Variants in DISC1 observed in about 807,000 individuals in gnomAD.
The protein encoded by DISC1 is disrupted in schizophrenia 1 protein.
A neutral mutation model predicts 84.5 loss-of-function variants in DISC1; 57 were observed. The observed-to-expected ratio is 0.67, with a 90% CI of 0.55 to 0.84. DISC1 has a LOEUF of 0.84. Among genes scored for constraint, DISC1 ranks in the 40% least tolerant of loss-of-function variants. The pLI is 0.00. For synonymous variants in DISC1, 411 were observed against 415.2 expected, an observed-to-expected ratio of 0.99 and a Z score of 0.12; for missense variants, 1,000 against 1,057.8, an observed-to-expected ratio of 0.95 and a Z score of 0.76.
intron 9 of DISC1, chr1:231,855,264 A>G: frequency 1.0e-6 from 1 of 967,484 alleles, no homozygotes. Context: ...AGAGTGTCTC[A>G]TAAATAACTT....
In DISC1 at chr1:231,818,470, A is replaced by T. The variant is rs763819357; in HGVS notation, c.1934A>T (p.Asp645Val). The change falls in exon 9 of 13, where the codon GAT becomes GTT. Residue 645 changes from aspartate to valine, a missense_variant. Around this residue, in one of 3 missense-constraint regions of DISC1, gnomAD observed 397 missense variants for 377.5 expected, o/e 1.05. Coordinates refer to ENST00000439617, the MANE Select transcript of DISC1 (RefSeq NM_018662.3). ...AAAAAGCTGGGAAGTGTTAAAGAAG[A>T]TTACAACAGACTGAGAAGAGAAGTG... is the stretch of plus-strand genomic sequence containing the variant. ...NVKKLGSVKE[D>V]YNRLRREVEH... 1 of 1,614,152 alleles carries T rather than the reference A, an allele frequency of 6.2e-7. No homozygotes were observed. The highest frequency in any genetic ancestry group is 1.1e-5 in the South Asian group (1 of 91,076).
chr1:231,626,968 TGG>T, intron 1 of DISC1, 34 bp downstream of exon 1: 1 of 1,433,312 alleles, frequency 7.0e-7, no homozygotes, highest in Non-Finnish European at 9.2e-7. Context: ...TAGCACGTCC[TGG>T]GGGGGTCCTG....
chr1:231,629,509 A>G (rs1331033680), intron 1 of DISC1: 4 of 152,692 alleles, frequency 2.6e-5, no homozygotes, highest in Non-Finnish European at 5.9e-5. Flanking sequence ...AGTTTATCTT[A>G]TTGGTTTTTG....
intron 8 of DISC1, among the ~76,000 whole-genome samples, chr1:231,807,987 T>G (rs2079887011): frequency 6.6e-6 from 1 of 152,236 alleles, no homozygotes; most frequent in Non-Finnish European, 1.5e-5. Flanking sequence ...GTTGGCCATC[T>G]TTTTCTTTTT....
chr1:231,644,927 A>G (rs1055142878), intron 1 of DISC1, among the ~76,000 whole-genome samples: 4 of 151,794 alleles, frequency 2.6e-5, no homozygotes, highest in Admixed American at 2.6e-4. Context: ...CTGTGACTGA[A>G]TTCTTCCTTT....
rs542789195 is a variant in DISC1 at position 231,733,184 on chromosome 1, C to T, written c.1118-16742C>T. Among the ~76,000 whole-genome samples, 21 of 57,064 alleles carry T rather than the reference C, an allele frequency of 3.7e-4. No individual in the cohort carries two copies. In the South Asian group the frequency reaches 6.1e-3, roughly 17 times the overall value. 37.4% of individuals were successfully genotyped at this position (57,064 alleles called of 152,430 possible). A position where few individuals can be genotyped will look rare whatever the true frequency, so the allele number is the denominator to read the frequency against. On this transcript the variant is annotated intron_variant, in intron 3 of 12. Coordinates refer to ENST00000439617, the MANE Select transcript of DISC1 (RefSeq NM_018662.3). ...ATGGTAGGAGTGGTGGTGATGTTTA[C>T]TTGGCAAATTCTTGCTCAGGAAGAG... is the stretch of plus-strand genomic sequence containing the variant.
chr1:231,810,287 G>C (rs1315677550), intron 8 of DISC1, among the ~76,000 whole-genome samples: 1 of 152,172 alleles, frequency 6.6e-6, no homozygotes, highest in Non-Finnish European at 1.5e-5. Flanking sequence ...AAACAGTGAC[G>C]ATGGTCCAGG....
intron 1 of DISC1, among the ~76,000 whole-genome samples, chr1:231,683,343 C>T (rs866182624): frequency 9.9e-5 from 15 of 151,988 alleles, no homozygotes; most frequent in Non-Finnish European, 1.5e-4. Context: ...GCACCAATAC[C>T]GGAGGCCCAT....
At chr1:231,942,967 C>T (rs965683381) in intron 9 of DISC1, among the ~76,000 whole-genome samples, 6 of 152,204 alleles carry the variant, frequency 3.9e-5, no homozygotes, top group African/African-American at 7.2e-5. Flanking sequence ...ATGTCATGCT[C>T]GTAGCTAAGA....
At chr1:231,935,172 G>A (rs1056418898) in intron 9 of DISC1, among the ~76,000 whole-genome samples, 22 of 152,214 alleles carry the variant, frequency 1.4e-4, no homozygotes, top group African/African-American at 5.1e-4. Flanking sequence ...GTGGCATGTC[G>A]TGAGTGTTTA....
intron 1 of DISC1, among the ~76,000 whole-genome samples, chr1:231,645,097 A>G (rs1558232935): frequency 1.3e-5 from 2 of 152,130 alleles, no homozygotes; most frequent in Non-Finnish European, 2.9e-5. Flanking sequence ...CTCTATTTTT[A>G]TGATAACTAT....
intron 9 of DISC1, among the ~76,000 whole-genome samples, chr1:231,842,074 A>G (rs753286540): frequency 1.3e-5 from 2 of 151,962 alleles, no homozygotes; most frequent in Non-Finnish European, 2.9e-5. Context: ...ACCATGACTC[A>G]CTGCATCCTC....
chr1:231,741,499 C>T (rs1183649118), intron 3 of DISC1, among the ~76,000 whole-genome samples: 1 of 152,220 alleles, frequency 6.6e-6, no homozygotes, highest in Non-Finnish European at 1.5e-5. Flanking sequence ...CAGGCAGCAT[C>T]CCAGGTGCAG....
At chr1:231,681,362 AGAGT>A (rs1016192475) in intron 1 of DISC1, among the ~76,000 whole-genome samples, 1 of 152,074 alleles carries the variant, frequency 6.6e-6, no homozygotes, top group Admixed American at 6.5e-5. Flanking sequence ...GAACATAGAT[AGAGT>A]GTCTATGTGA....
chr1:231,955,813 G>A (rs1659399905), intron 9 of DISC1, among the ~76,000 whole-genome samples: 1 of 151,912 alleles, frequency 6.6e-6, no homozygotes, highest in South Asian at 2.1e-4. Flanking sequence ...CTTACACCTG[G>A]CATTTGACCC....
chr1:232,026,762 C>CTTTCTTT (rs1669507073), intron 12 of DISC1, among the ~76,000 whole-genome samples: 2 of 110,876 alleles, frequency 1.8e-5, no homozygotes, highest in Non-Finnish European at 3.6e-5. Context: ...TTTCTTTTTT[C>CTTTCTTT]TTTTTTTTTT....
intron 10 of DISC1, among the ~76,000 whole-genome samples, chr1:231,996,165 T>C (rs557099001): frequency 2.0e-5 from 3 of 152,344 alleles, no homozygotes; most frequent in African/African-American, 7.2e-5. Flanking sequence ...GTTCATATCC[T>C]TCGTCCACTT....
chr1:231,705,534 A>G (rs1573043169), intron 3 of DISC1, among the ~76,000 whole-genome samples: 1 of 151,912 alleles, frequency 6.6e-6, no homozygotes, highest in Non-Finnish European at 1.5e-5. Flanking sequence ...TCCCAAAGTT[A>G]GGCTTGAAAG....
At chr1:231,848,865 G>T (rs1223073887) in intron 9 of DISC1, among the ~76,000 whole-genome samples, 3 of 152,160 alleles carry the variant, frequency 2.0e-5, no homozygotes, top group Non-Finnish European at 4.4e-5. Context: ...ATCCCATGAT[G>T]CAGGGATTAC....
Sources: gnomAD v4.1 joint callset for allele counts (sites outside exome capture counted in the v4.1 genomes callset) on GRCh38, gnomAD v4.1.1 for gene constraint, gnomAD v4.1.1 regional missense constraint, MANE v1.5 for transcripts, NCBI Gene and HGNC (gene_info 2026-07-23, HGNC 2026-07-21) for gene names.